BMP2: variants seen among roughly 807,000 people sequenced by gnomAD.
BMP2 encodes the protein bone morphogenetic protein 2, also known as bone morphogenetic protein 2A.
A neutral mutation model predicts 28.8 loss-of-function variants in BMP2; 2 were observed. The ratio of observed to expected loss-of-function variants is 0.07; its 90% confidence interval spans 0.03 to 0.22. BMP2 has a LOEUF of 0.22. BMP2 is among the 10% of genes least tolerant of loss of function. The probability of loss-of-function intolerance (pLI) is 1.00; values close to 1 mark genes in which losing one functional copy is unlikely to be tolerated. For synonymous variants in BMP2, 218 were observed against 204.3 expected (o/e 1.07, Z -0.57); for missense variants, 437 against 517.7 (o/e 0.84, Z 1.51).
In BMP2 at chr20:6,768,783, C is replaced by A. The variant is rs1986320082; in HGVS notation, c.-100C>A. The A allele has an allele frequency of 2.5e-6, 1 of 398,454 alleles. No homozygotes were observed. The highest frequency in any genetic ancestry group is 4.4e-6 in the Non-Finnish European group (1 of 225,986). 24.7% of individuals were successfully genotyped at this position (398,454 alleles called of 1,614,324 possible). ...AAAAGGAACGGACATTCGGTCCTTG[C>A]GCCAGGTCCTTTGACCAGAGTTTTT... is the stretch of plus-strand genomic sequence containing the variant. On this transcript the variant is annotated 5_prime_UTR_variant, in exon 1 of 3. Transcript: ENST00000378827.
intron 2 of BMP2, among the ~76,000 whole-genome samples, chr20:6,776,149 G>A (rs1033146119): frequency 2.6e-5 from 4 of 152,148 alleles, no homozygotes; most frequent in African/African-American, 9.7e-5. Flanking sequence ...GGTACTCCTT[G>A]GGAGCCACTG....
rs886043711 is a variant in BMP2, at chr20:6,770,401, C to T, written c.275C>T (p.Ser92Leu). ...LYRRHSGQPGSPAPDHRLERA... is the reference protein window; with the variant it reads ...LYRRHSGQPGLPAPDHRLERA... ...CGCAGGCACTCAGGTCAGCCGGGCT[C>T]ACCCGCCCCAGACCACCGGTTGGAG... The change falls in exon 2 of 3, where the codon TCA becomes TTA. Residue 92 changes from serine (S) to leucine (L), a missense_variant. Around this residue, in one of 2 missense-constraint regions of BMP2, gnomAD observed 363 missense variants for 392.8 expected, o/e 0.92. Transcript: ENST00000378827. 18 of 1,612,126 alleles carry T rather than the reference C, an allele frequency of 1.1e-5. No individual in the cohort carries two copies. The Admixed American group carries it at 1.2e-4, about 10-fold the overall frequency.
chr20:6,779,002 T>C lies in BMP2; in HGVS notation c.1104T>C (p.Ala368=), dbSNP rs201750801. 4 of 1,613,940 alleles carry C rather than the reference T, an allele frequency of 2.5e-6. No individual in the cohort carries two copies. The highest frequency in any genetic ancestry group is 2.2e-5 in the East Asian group (1 of 44,860). The change falls in exon 3 of 3, where the codon GCT becomes GCC. Residue 368 remains alanine (A), a synonymous_variant. Transcript: ENST00000378827. Reference sequence around the variant, plus strand: ...GCTGTGTCCCGACAGAACTCAGTGCTATCTCGATGCTGTACCTTGACGAGA... The same window carrying C: ...GCTGTGTCCCGACAGAACTCAGTGCCATCTCGATGCTGTACCTTGACGAGA... ...KACCVPTELS[A]ISMLYLDENE...
rs1024872644 is a variant in BMP2 at position 6,767,977 on chromosome 20, C to T, written c.-906C>T. The T allele has an allele frequency of 3.3e-4, 130 of 396,022 alleles. No individual in the cohort carries two copies. Among genetic ancestry groups the T allele is most frequent in the Middle Eastern group, 6.3e-4 (1 of 1,576 alleles). The allele number at this position is 396,022 out of a possible 1,614,324, so 24.5% of individuals were successfully genotyped here. A position where few individuals can be genotyped will look rare whatever the true frequency, so the allele number is the denominator to read the frequency against. On this transcript the variant is annotated 5_prime_UTR_variant, in exon 1 of 3. The change creates a new upstream start codon in the 5' untranslated region. Transcript: ENST00000378827. ...GCCCGGGCTGCGCCAGAGCCGCGGACGGGCGCGCAGAGCGCCGGGGACTCC... is the reference window on the plus strand; with the variant it reads ...GCCCGGGCTGCGCCAGAGCCGCGGATGGGCGCGCAGAGCGCCGGGGACTCC...
intron 2 of BMP2, among the ~76,000 whole-genome samples, chr20:6,773,327 T>G (rs1052919085): frequency 6.6e-6 from 1 of 152,328 alleles, no homozygotes; most frequent in Admixed American, 6.5e-5. Flanking sequence ...AAACCAATAC[T>G]TACCTGGTAT....
chr20:6,770,816 A>G (rs1197066949), intron 2 of BMP2, among the ~76,000 whole-genome samples: 1 of 152,214 alleles, frequency 6.6e-6, no homozygotes, highest in Non-Finnish European at 1.5e-5. Context: ...AGGGAAAAGG[A>G]GAAAAAGGGA....
In BMP2 at chr20:6,775,313, GT is replaced by G. The variant is rs1374635175; in HGVS notation, c.347-2931del. Among the ~76,000 whole-genome samples, 10 of 152,248 alleles carry G rather than the reference GT, an allele frequency of 6.6e-5. No individual in the cohort carries two copies. In the East Asian group the frequency reaches 1.9e-3, roughly 29 times the overall value. Reference sequence around the variant, plus strand: ...CCCTGGCAGATTAAAGAAAATGAGCGTATATTCCCTAACCTTGGCCAGTTAC... The same window carrying G: ...CCCTGGCAGATTAAAGAAAATGAGCGATATTCCCTAACCTTGGCCAGTTAC... On this transcript the variant is annotated intron_variant, in intron 2 of 2. Transcript: ENST00000378827.
Position 6,768,427 on chromosome 20 carries a change from C to T in BMP2, c.-456C>T, listed in dbSNP as rs1046219512. On this transcript the variant is annotated 5_prime_UTR_variant, in exon 1 of 3. Transcript: ENST00000378827. ...CGACCCCCGAGTCCCGGAGCCGGCC[C>T]CGCGCGGGGCCACGCGTCCCTCGGG... is the stretch of plus-strand genomic sequence containing the variant. 20 of 393,262 alleles carry T rather than the reference C, an allele frequency of 5.1e-5. No homozygotes were observed. Among genetic ancestry groups the T allele is most frequent in the Non-Finnish European group, 8.5e-5 (19 of 223,138 alleles). The allele number at this position is 393,262 out of a possible 1,614,324, so 24.4% of individuals were successfully genotyped here. A position where few individuals can be genotyped will look rare whatever the true frequency, so the allele number is the denominator to read the frequency against.
At position 6,768,451 on chromosome 20, in the gene BMP2, G is replaced by A. The variant is rs1403367211; in HGVS notation, c.-432G>A. 1 of 392,750 alleles carries A rather than the reference G, an allele frequency of 2.5e-6. No homozygotes were observed. Among genetic ancestry groups the A allele is most frequent in the Non-Finnish European group, 4.5e-6 (1 of 222,782 alleles). 24.3% of individuals were successfully genotyped at this position (392,750 alleles called of 1,614,324 possible). A position where few individuals can be genotyped will look rare whatever the true frequency, so the allele number is the denominator to read the frequency against. On this transcript the variant is annotated 5_prime_UTR_variant, in exon 1 of 3. Transcript: ENST00000378827. ...CCCGCGCGGGGCCACGCGTCCCTCG[G>A]GCGCTGGTTCCTAAGGAGGACGACA... is the stretch of plus-strand genomic sequence containing the variant.
At position 6,767,830 on chromosome 20, in the gene BMP2, C is replaced by T. The variant is rs1041268703; in HGVS notation, c.-1053C>T. On this transcript the variant is annotated 5_prime_UTR_variant, in exon 1 of 3. Transcript: ENST00000378827. ...CTGCCGCCACAGCCTCCGCCGGCTA[C>T]CCGAACGTTCTCGGGGCCAGCGCCG... The T allele has an allele frequency of 2.1e-5, 7 of 340,238 alleles. No homozygotes were observed. Among genetic ancestry groups the T allele is most frequent in the African/African-American group, 1.1e-4 (5 of 46,366 alleles). 21.1% of individuals were successfully genotyped at this position (340,238 alleles called of 1,614,324 possible).
intron 2 of BMP2, among the ~76,000 whole-genome samples, chr20:6,770,865 T>G (rs1986385175): frequency 6.6e-6 from 1 of 152,220 alleles, no homozygotes; most frequent in Non-Finnish European, 1.5e-5. Context: ...TGGAAGCTTT[T>G]GCTCTATAAA....
chr20:6,771,009 T>A (rs1986387660), intron 2 of BMP2, among the ~76,000 whole-genome samples: 1 of 152,206 alleles, frequency 6.6e-6, no homozygotes, highest in African/African-American at 2.4e-5. Flanking sequence ...TTTGGAAGAT[T>A]TTGAATCCCA....
intron 1 of BMP2, among the ~76,000 whole-genome samples, chr20:6,769,772 C>G (rs781304396): frequency 3.9e-5 from 6 of 152,020 alleles, no homozygotes; most frequent in African/African-American, 9.7e-5. Flanking sequence ...TCAGATCAAG[C>G]GGTGGTTTTC....
At chr20:6,769,633 G>GTGTGTGTGTGTT (rs1555785666) in intron 1 of BMP2, among the ~76,000 whole-genome samples, 1,904 of 151,242 alleles carry the variant, frequency 0.013, 36 homozygotes, top group African/African-American at 0.044. Flanking sequence ...GTGTGTGTGT[G>GTGTGTGTGTGTT]TGTGTGTGTG....
rs1375712078 is a variant in BMP2, at chr20:6,778,960, T to G, written c.1062T>G (p.Ser354=). 2 of 1,614,036 alleles carry G rather than the reference T, an allele frequency of 1.2e-6. No homozygotes were observed. Among genetic ancestry groups the G allele is most frequent in the Non-Finnish European group, 1.7e-6 (2 of 1,179,990 alleles). The change falls in exon 3 of 3, where the codon TCT becomes TCG. Residue 354 remains serine, a synonymous_variant. Transcript: ENST00000378827. This position sits in a 1 kb window ranked among gnomAD's most constrained non-coding sequence, Gnocchi z 5.0. ...IVQTLVNSVN[S]KIPKACCVPT... ...AGACGTTGGTCAACTCTGTTAACTC[T>G]AAGATTCCTAAGGCATGCTGTGTCC...
chr20:6,768,396 G>C lies in BMP2; in HGVS notation c.-487G>C, dbSNP rs899572269. The C allele has an allele frequency of 2.0e-5, 8 of 395,016 alleles. No individual in the cohort carries two copies. The highest frequency in any genetic ancestry group is 4.4e-5 in the Admixed American group (1 of 22,600). The allele number at this position is 395,016 out of a possible 1,614,324, so 24.5% of individuals were successfully genotyped here. On this transcript the variant is annotated 5_prime_UTR_variant, in exon 1 of 3. Coordinates refer to ENST00000378827, the MANE Select transcript of BMP2 (RefSeq NM_001200.4). ...GCGGCGGAGCTAGCGCGGAGCGCCC[G>C]ACCCTCGACCCCCGAGTCCCGGAGC... is the stretch of plus-strand genomic sequence containing the variant.
chr20:6,767,944 C>T lies in BMP2; in HGVS notation c.-939C>T, dbSNP rs886158013. On this transcript the variant is annotated 5_prime_UTR_variant, in exon 1 of 3. Coordinates refer to ENST00000378827, the MANE Select transcript of BMP2 (RefSeq NM_001200.4). Reference sequence around the variant, plus strand: ...GGCAGAGCGCGCCACAGCGCCGTGGCCTCTGCTGCCCGGGCTGCGCCAGAG... The same window carrying T: ...GGCAGAGCGCGCCACAGCGCCGTGGTCTCTGCTGCCCGGGCTGCGCCAGAG... 7.6e-5 allele frequency: 30 copies of T among 394,472 alleles called. No homozygotes were observed. The highest frequency in any genetic ancestry group is 5.8e-4 in the African/African-American group (28 of 48,338). The allele number at this position is 394,472 out of a possible 1,614,324, so 24.4% of individuals were successfully genotyped here.
Position 6,779,103 on chromosome 20 carries a change from A to G in BMP2, c.*14A>G. The G allele has an allele frequency of 7.8e-7, 1 of 1,288,196 alleles. No homozygotes were observed. Among genetic ancestry groups the G allele is most frequent in the Non-Finnish European group, 1.0e-6 (1 of 980,628 alleles). The allele number at this position is 1,288,196 out of a possible 1,614,324, so 79.8% of individuals were successfully genotyped here. On this transcript the variant is annotated 3_prime_UTR_variant, in exon 3 of 3. Coordinates refer to ENST00000378827, the MANE Select transcript of BMP2 (RefSeq NM_001200.4). The stretch of plus-strand genomic sequence containing the variant: ...GGGTGTCGCTAGTACAGCAAAATTA[A>G]ATACATAAATATATATATATATATA...
At position 6,770,292 on chromosome 20, in the gene BMP2, C is replaced by T. The variant is rs1258528022; in HGVS notation, c.166C>T (p.Arg56Trp). ...CGAGGTCCTGAGCGAGTTCGAGTTG[C>T]GGCTGCTCAGCATGTTCGGCCTGAA... The part of the protein sequence containing the change: ...SDEVLSEFEL[R>W]LLSMFGLKQR... The change falls in exon 2 of 3, where the codon CGG becomes TGG. Residue 56 changes from arginine to tryptophan, a missense_variant. Physicochemically the swap from Arg to Trp is moderately radical, Grantham distance 101. Around this residue, in one of 2 missense-constraint regions of BMP2, gnomAD observed 363 missense variants for 392.8 expected, o/e 0.92. Transcript: ENST00000378827. The T allele has an allele frequency of 6.2e-7, 1 of 1,613,146 alleles. No homozygotes were observed. The highest frequency in any genetic ancestry group is 8.5e-7 in the Non-Finnish European group (1 of 1,179,850).
Sources: gnomAD v4.1 joint callset for allele counts (sites outside exome capture counted in the v4.1 genomes callset) on GRCh38, gnomAD v4.1.1 for gene constraint, gnomAD v4.1.1 regional missense constraint, Gnocchi (gnomAD v3.1) non-coding constraint, MANE v1.5 for transcripts, NCBI Gene and HGNC (gene_info 2026-07-23, HGNC 2026-07-21) for gene names.